The following CWF19L2 variants were observed in gnomAD, a reference collection of about 807,000 sequenced individuals.
CWF19L2 encodes CWF19-like protein 2.
A neutral mutation model predicts 111.7 loss-of-function variants in CWF19L2; 98 were observed. That is an observed-to-expected ratio of 0.88 (90% confidence interval 0.75 to 1.04). The LOEUF (loss-of-function observed/expected upper bound fraction) is 1.04, where lower values mean the gene tolerates loss of function less well. Ranked by LOEUF, CWF19L2 falls within the 50% of genes least tolerant of loss-of-function variation. CWF19L2 has a pLI of 0.00. For missense variants in CWF19L2, 1,101 were observed against 1,051.4 expected (o/e 1.05, Z -0.65); for synonymous variants, 351 against 342.9 (o/e 1.02, Z -0.26).
chr11:107,453,984 A>G (rs1165451240), intron 3 of CWF19L2, among the ~76,000 whole-genome samples: 2 of 152,176 alleles, frequency 1.3e-5, no homozygotes, highest in African/African-American at 4.8e-5. Context: ...CAGCTCAGCC[A>G]CAGTTCAATA....
At chr11:107,401,896 G>T (rs1309185166) in intron 10 of CWF19L2, among the ~76,000 whole-genome samples, 1 of 152,280 alleles carries the variant, frequency 6.6e-6, no homozygotes, top group South Asian at 2.1e-4. Context: ...ATGGACCAAT[G>T]TAACAGAATA....
At chr11:107,399,854 CTA>C (rs1433055417) in intron 10 of CWF19L2, among the ~76,000 whole-genome samples, 1 of 151,992 alleles carries the variant, frequency 6.6e-6, no homozygotes, top group Non-Finnish European at 1.5e-5. Context: ...AAAATTGAAA[CTA>C]TATCAAGCAC....
intron 16 of CWF19L2, 37 bp from the exon 17 acceptor site, chr11:107,330,056 T>C (rs371128253): frequency 7.5e-7 from 1 of 1,324,602 alleles, no homozygotes; most frequent in Non-Finnish European, 1.0e-6. Context: ...GAATACAGTA[T>C]GAAACCAGAA....
At chr11:107,353,870 T>C in intron 12 of CWF19L2, 134 bp from the exon 13 acceptor site, 1 of 658,230 alleles carries the variant, frequency 1.5e-6, no homozygotes, top group Admixed American at 3.0e-5. Flanking sequence ...AAAAACATGA[T>C]TAATATTTGT....
At chr11:107,429,589 A>G in intron 7 of CWF19L2, 138 bp from the exon 8 acceptor site, 1 of 604,778 alleles carries the variant, frequency 1.7e-6, no homozygotes, top group Admixed American at 3.2e-5. Flanking sequence ...GACCCATACA[A>G]TCATCCTATA....
At chr11:107,432,329 G>A (rs572392304) in intron 7 of CWF19L2, among the ~76,000 whole-genome samples, 4 of 152,316 alleles carry the variant, frequency 2.6e-5, no homozygotes, top group Admixed American at 2.0e-4. Flanking sequence ...TGTAATCCCA[G>A]CACTGTGGGA....
chr11:107,384,385 C>A (rs1224558726), intron 12 of CWF19L2, among the ~76,000 whole-genome samples: 3 of 152,038 alleles, frequency 2.0e-5, no homozygotes, highest in Non-Finnish European at 4.4e-5. Flanking sequence ...ATACATATAG[C>A]CTGAAGGTAA....
chr11:107,329,875 C>T, intron 17 of CWF19L2, 43 bp downstream of exon 17: 1 of 1,415,302 alleles, frequency 7.1e-7, no homozygotes, highest in South Asian at 1.4e-5. Context: ...AAAAATGTTA[C>T]CAAATTGCTA....
rs199558505 is a variant in CWF19L2, at chr11:107,353,569, G to C, written c.2040C>G (p.Asp680Glu). 1.2e-6 allele frequency: 2 copies of C among 1,613,614 alleles called. No homozygotes were observed. Among genetic ancestry groups the C allele is most frequent in the African/African-American group, 2.7e-5 (2 of 74,898 alleles). ...TAAGATGCTTGGGAAATTGAGAGCT[G>C]TCAAAACAATACAGACATTTTTCCA... ...AQMEKCLYCF[D>E]SSQFPKHLIV... Residue 680 changes from aspartate (D) to glutamate (E), a missense_variant, in exon 13 of 18, where the codon GAC becomes GAG. Coordinates refer to ENST00000282251, the MANE Select transcript of CWF19L2 (RefSeq NM_152434.3).
chr11:107,398,998 C>T (rs1376099660), intron 10 of CWF19L2, among the ~76,000 whole-genome samples: 3 of 151,976 alleles, frequency 2.0e-5, no homozygotes, highest in Non-Finnish European at 2.9e-5. Flanking sequence ...TGAGAGAATT[C>T]GCCATTACCA....
At chr11:107,342,234 A>G (rs1169302969) in intron 14 of CWF19L2, among the ~76,000 whole-genome samples, 3 of 151,872 alleles carry the variant, frequency 2.0e-5, no homozygotes, top group East Asian at 3.9e-4. Flanking sequence ...ACATGTTGTA[A>G]TTTCATTGTA....
intron 16 of CWF19L2, among the ~76,000 whole-genome samples, chr11:107,333,483 T>C (rs1228902954): frequency 6.6e-6 from 1 of 152,214 alleles, no homozygotes; most frequent in Non-Finnish European, 1.5e-5. Context: ...TGTGAAAGAA[T>C]ACTTAACAGC....
intron 10 of CWF19L2, chr11:107,404,208 A>G (rs1861046947): frequency 1.3e-6 from 1 of 777,230 alleles, no homozygotes; most frequent in African/African-American, 1.7e-5. Context: ...AGACCTTCAT[A>G]AATTCATTGT....
intron 8 of CWF19L2, among the ~76,000 whole-genome samples, chr11:107,419,617 A>G (rs1030320089): frequency 1.3e-5 from 2 of 152,192 alleles, no homozygotes; most frequent in Non-Finnish European, 2.9e-5. Context: ...CAAAGATATA[A>G]AAAAGATCCA....
At chr11:107,445,251 T>C (rs1430976802) in intron 3 of CWF19L2, among the ~76,000 whole-genome samples, 2 of 152,248 alleles carry the variant, frequency 1.3e-5, no homozygotes, top group East Asian at 1.9e-4. Flanking sequence ...ATCCAATTTA[T>C]ATTTAGTTTC....
At chr11:107,345,054 C>G (rs554965217) in intron 14 of CWF19L2, among the ~76,000 whole-genome samples, 3 of 152,134 alleles carry the variant, frequency 2.0e-5, no homozygotes, top group African/African-American at 7.2e-5. Context: ...TGCCTCCTCC[C>G]CACATGGTTT....
intron 10 of CWF19L2, among the ~76,000 whole-genome samples, chr11:107,415,190 A>C (rs1486371832): frequency 6.6e-6 from 1 of 152,108 alleles, no homozygotes; most frequent in Admixed American, 6.6e-5. Context: ...CACATCAGAC[A>C]TATTTCCATC....
intron 8 of CWF19L2, 134 bp from the exon 9 acceptor site, chr11:107,418,421 T>A (rs1159118769): frequency 3.1e-6 from 2 of 649,622 alleles, no homozygotes; most frequent in African/African-American, 1.8e-5. Flanking sequence ...TTGTAATACA[T>A]GTAAATTAAA....
chr11:107,402,971 A>T (rs1861028788), intron 10 of CWF19L2, among the ~76,000 whole-genome samples: 1 of 148,904 alleles, frequency 6.7e-6, no homozygotes, highest in Non-Finnish European at 1.5e-5. Flanking sequence ...ATGAGACTGG[A>T]GACTATTATT....
Sources: allele counts gnomAD v4.1 joint callset (sites outside exome capture counted in the v4.1 genomes callset), GRCh38; gene constraint gnomAD v4.1.1; transcripts MANE v1.5; gene names NCBI Gene and HGNC (gene_info 2026-07-23, HGNC 2026-07-21).